The following CPA1 variants were observed in gnomAD, a reference collection of about 807,000 sequenced individuals.
CPA1 encodes carboxypeptidase A1 (pancreatic).
Under a neutral mutation model 48.7 loss-of-function variants are expected in CPA1, and 42 were observed. The observed-to-expected ratio is 0.86, with a 90% CI of 0.67 to 1.11. The LOEUF is 1.11. Ranked by LOEUF, CPA1 falls within the 50% of genes most tolerant of loss-of-function variation. The pLI, the probability that CPA1 is intolerant of heterozygous loss-of-function variation, is 0.00. For synonymous variants in CPA1, 203 were observed against 217.9 expected, an observed-to-expected ratio of 0.93 and a Z score of 0.60; for missense variants, 477 against 544.7, an observed-to-expected ratio of 0.88 and a Z score of 1.24.
Position 130,387,691 on chromosome 7 carries a change from C to A in CPA1, c.1073-133C>A. 1.2e-6 allele frequency: 1 copy of A among 821,894 alleles called. No individual in the cohort carries two copies. Among genetic ancestry groups the A allele is most frequent in the Non-Finnish European group, 2.0e-6 (1 of 507,532 alleles). The allele number at this position is 821,894 out of a possible 1,614,324, so 50.9% of individuals were successfully genotyped here. A position where few individuals can be genotyped will look rare whatever the true frequency, so the allele number is the denominator to read the frequency against. On this transcript the variant is annotated intron_variant, in intron 9 of 9. Coordinates refer to ENST00000011292, the MANE Select transcript of CPA1 (RefSeq NM_001868.4). This position sits in a 1 kb window ranked among gnomAD's most constrained non-coding sequence, Gnocchi z 4.6. ...GTGAGGCTGCTTGGTCAACAGCAGA[C>A]CTTAGTAGACACTGACTCCACTCAG...
Position 130,387,729 on chromosome 7 carries a change from CACAG to C in CPA1, c.1073-93_1073-90del. 8.8e-7 allele frequency: 1 copy of C among 1,140,888 alleles called. No homozygotes were observed. The highest frequency in any genetic ancestry group is 1.4e-5 in the South Asian group (1 of 72,124). 70.7% of individuals were successfully genotyped at this position (1,140,888 alleles called of 1,614,324 possible). A position where few individuals can be genotyped will look rare whatever the true frequency, so the allele number is the denominator to read the frequency against. On this transcript the variant is annotated intron_variant, in intron 9 of 9. Transcript: ENST00000011292. This position sits in a 1 kb window ranked among gnomAD's most constrained non-coding sequence, Gnocchi z 4.6. The stretch of plus-strand genomic sequence containing the variant: ...TGACTCCACTCAGCATTGCACAAGG[CACAG>C]AGCTTTGGACAGGGTTGGATCGTTA...
intron 8 of CPA1, 78 bp from the exon 9 acceptor site, chr7:130,385,761 C>A: frequency 1.7e-6 from 2 of 1,207,756 alleles, no homozygotes; most frequent in Non-Finnish European, 2.4e-6. Flanking sequence ...GGCTCCCCTG[C>A]CAGCCCCCAG....
intron 1 of CPA1, chr7:130,380,873 T>G: frequency 1.7e-6 from 1 of 590,938 alleles, no homozygotes; most frequent in South Asian, 2.1e-5. Context: ...CAAACTGGGA[T>G]TGAGATAGTA....
At position 130,383,676 on chromosome 7, in the gene CPA1, C is replaced by T. The variant is rs1554411558; in HGVS notation, c.586-8C>T. The T allele has an allele frequency of 3.7e-6, 6 of 1,604,102 alleles. No homozygotes were observed. Among genetic ancestry groups the T allele is most frequent in the Non-Finnish European group, 4.3e-6 (5 of 1,171,078 alleles). ...CTGCGCTGCCCCTCTGCTCCTCTAACCCCCCAGATCACTCAAGACTACGGG... is the reference window on the plus strand; with the variant it reads ...CTGCGCTGCCCCTCTGCTCCTCTAATCCCCCAGATCACTCAAGACTACGGG... On this transcript the variant is annotated splice_polypyrimidine_tract_variant and splice_region_variant and intron_variant, in intron 5 of 9. Transcript: ENST00000011292.
At chr7:130,381,241 C>A in intron 2 of CPA1, 62 bp downstream of exon 2, 1 of 1,229,834 alleles carries the variant, frequency 8.1e-7, no homozygotes, top group South Asian at 1.3e-5. Flanking sequence ...CACCCCAGGT[C>A]CCCAGCGGCC....
intron 9 of CPA1, 171 bp downstream of exon 9, chr7:130,386,094 T>C: frequency 5.2e-6 from 3 of 580,578 alleles, no homozygotes; most frequent in Non-Finnish European, 9.3e-6. Flanking sequence ...ACATGAACTC[T>C]GCTTCCTTTG....
chr7:130,384,814 G>T (rs1554411768), intron 7 of CPA1, 188 bp downstream of exon 7: 1 of 620,828 alleles, frequency 1.6e-6, no homozygotes, highest in African/African-American at 1.8e-5. Flanking sequence ...CCTGCAAAAG[G>T]CAAGTTGCTT....
At chr7:130,386,247 C>T (rs1388095360) in intron 9 of CPA1, among the ~76,000 whole-genome samples, 13 of 151,964 alleles carry the variant, frequency 8.6e-5, no homozygotes, top group South Asian at 6.3e-4. Context: ...AAACACTTCT[C>T]GGGGGCAGGG....
At chr7:130,384,500 G>C in intron 6 of CPA1, 36 bp from the exon 7 acceptor site, 1 of 1,582,532 alleles carries the variant, frequency 6.3e-7, no homozygotes, top group Non-Finnish European at 8.7e-7. Context: ...AGCGTCACAC[G>C]TGCCTCGGGG....
chr7:130,381,923 A>C, intron 3 of CPA1, 60 bp downstream of exon 3: 1 of 1,511,020 alleles, frequency 6.6e-7, no homozygotes, highest in Non-Finnish European at 9.1e-7. Context: ...TGGCTGGTAG[A>C]ACGCGGTAGG....
At chr7:130,382,007 A>C in intron 3 of CPA1, 101 bp from the exon 4 acceptor site, 4 of 1,215,346 alleles carry the variant, frequency 3.3e-6, no homozygotes, top group Non-Finnish European at 4.7e-6. Flanking sequence ...TCGTAGCTCC[A>C]TTGCAGGGCT....
In CPA1 at chr7:130,382,367, T is replaced by C. The variant is rs542036318; in HGVS notation, c.483+158T>C. On this transcript the variant is annotated intron_variant, in intron 4 of 9. Coordinates refer to ENST00000011292, the MANE Select transcript of CPA1 (RefSeq NM_001868.4). ...GGAAAGGCCTGAGTCTCCACCCTGGTCTTGGCGTGTGCACTCCTGCCCATA... is the reference window on the plus strand; with the variant it reads ...GGAAAGGCCTGAGTCTCCACCCTGGCCTTGGCGTGTGCACTCCTGCCCATA... Among the ~76,000 whole-genome samples, 15 of 152,306 alleles carry C rather than the reference T, an allele frequency of 9.8e-5. No homozygotes were observed. In the East Asian group the frequency reaches 2.9e-3, roughly 29 times the overall value.
chr7:130,381,031 C>A, intron 1 of CPA1, 67 bp from the exon 2 acceptor site: 1 of 1,312,762 alleles, frequency 7.6e-7, no homozygotes, highest in Non-Finnish European at 1.1e-6. Context: ...CCTCCTGCAC[C>A]TGGGGAGTGC....
intron 9 of CPA1, 141 bp downstream of exon 9, chr7:130,386,064 G>T (rs1337996476): frequency 1.5e-6 from 1 of 647,788 alleles, no homozygotes; most frequent in Admixed American, 2.7e-5. Context: ...ATTCTGAGGG[G>T]TGGGCAGTCC....
In CPA1 at chr7:130,383,448, C is replaced by T. The variant is rs782248213; in HGVS notation, c.541C>T (p.Arg181Trp). Residue 181 changes from arginine to tryptophan, a missense_variant, in exon 5 of 10, where the codon CGG becomes TGG. Arg to Trp is a moderately radical substitution (Grantham distance 101). Transcript: ENST00000011292. ...AIWIDTGIHS[R>W]EWVTQASGVW... Reference sequence around the variant, plus strand: ...CTGGATCGACACGGGCATCCATTCCCGGGAGTGGGTCACCCAGGCCAGTGG... The same window carrying T: ...CTGGATCGACACGGGCATCCATTCCTGGGAGTGGGTCACCCAGGCCAGTGG... The T allele has an allele frequency of 1.5e-5, 24 of 1,614,050 alleles. No homozygotes were observed. Among genetic ancestry groups the T allele is most frequent in the Non-Finnish European group, 1.9e-5 (22 of 1,180,040 alleles).
At position 130,385,294 on chromosome 7, in the gene CPA1, CAT is replaced by C. The variant is rs782642285; in HGVS notation, c.937_938del (p.Met313ValfsTer12). On this transcript the variant is annotated frameshift_variant, in exon 8 of 10. Coordinates refer to ENST00000011292, the MANE Select transcript of CPA1 (RefSeq NM_001868.4). LOFTEE classifies it high-confidence loss of function. ...CCATCCACAGCTACTCCCAGCTCCT[CAT>C]GTATCCCTATGGCTACAAAACAGAA... ...ISIHSYSQLLMYPYGYKTEPV... is the reference protein window; with the variant it reads ...ISIHSYSQLLXYPYGYKTEPV... The C allele has an allele frequency of 2.5e-5, 40 of 1,614,118 alleles. 1 individual carries two copies. The South Asian group carries it at 3.6e-4, about 15-fold the overall frequency.
chr7:130,382,266 G>A, intron 4 of CPA1, 57 bp downstream of exon 4: 1 of 1,335,612 alleles, frequency 7.5e-7, no homozygotes, highest in Non-Finnish European at 1.1e-6. Flanking sequence ...TGGCATCCGT[G>A]ATGGGCGTGG....
chr7:130,382,190 G>A lies in CPA1; in HGVS notation c.464G>A (p.Arg155His), dbSNP rs1283286662. Residue 155 changes from arginine (R) to histidine (H), a missense_variant, in exon 4 of 10, where the codon CGT (arginine) becomes CAT (histidine). Arg to His is a conservative substitution (Grantham distance 29). Coordinates refer to ENST00000011292, the MANE Select transcript of CPA1 (RefSeq NM_001868.4). The part of the protein sequence containing the change: ...KIQIGNTYEG[R>H]PIYVLKFSTG... ...CAGATTGGCAACACCTATGAAGGGCGTCCCATTTACGTGCTGAAGGTAACA... is the reference window on the plus strand; with the variant it reads ...CAGATTGGCAACACCTATGAAGGGCATCCCATTTACGTGCTGAAGGTAACA... The A allele has an allele frequency of 6.2e-6, 10 of 1,613,998 alleles. No homozygotes were observed. Among genetic ancestry groups the A allele is most frequent in the Non-Finnish European group, 8.5e-6 (10 of 1,179,962 alleles).
rs782679257 is a variant in CPA1, at chr7:130,382,225, G to A, written c.483+16G>A. The stretch of plus-strand genomic sequence containing the variant: ...CGTGCTGAAGGTAACATCCACATGT[G>A]GACATACACAGGGGAGAATGGACCC... On this transcript the variant is annotated intron_variant, in intron 4 of 9. Transcript: ENST00000011292. The A allele has an allele frequency of 6.3e-7, 1 of 1,599,642 alleles. No individual in the cohort carries two copies. The highest frequency in any genetic ancestry group is 1.3e-5 in the African/African-American group (1 of 74,650).
Sources: allele counts gnomAD v4.1 joint callset (sites outside exome capture counted in the v4.1 genomes callset), GRCh38; gene constraint gnomAD v4.1.1; non-coding constraint Gnocchi (gnomAD v3.1); transcripts MANE v1.5; gene names NCBI Gene and HGNC (gene_info 2026-07-23, HGNC 2026-07-21).